Variants in DOCK1 observed in about 807,000 individuals in gnomAD.
DOCK1 encodes dedicator of cytokinesis 1, also known as dedicator of cytokinesis protein 1.
In DOCK1, 138 loss-of-function variants were observed where a neutral mutation model predicts 262.7. The observed-to-expected ratio is 0.53, with a 90% CI of 0.46 to 0.61. The LOEUF (loss-of-function observed/expected upper bound fraction) is 0.61, where lower values mean the gene tolerates loss of function less well. DOCK1 is among the 20% of genes least tolerant of loss of function. The pLI is 0.00. For synonymous variants in DOCK1, 866 were observed against 867.4 expected (o/e 1.00, Z 0.03); for missense variants, 1,908 against 2,370.7 (o/e 0.80, Z 4.05).
At chr10:126,963,661 T>TCCTTCCTTCCTCCCTCCCTTCCTC (rs2037449352) in intron 1 of DOCK1, among the ~76,000 whole-genome samples, 1 of 119,488 alleles carries the variant, frequency 8.4e-6, no homozygotes, top group South Asian at 3.0e-4. Context: ...CTTCCTTCCT[T>TCCTTCCTTCCTCCCTCCCTTCCTC]CCTTCCTTCC....
intron 32 of DOCK1, among the ~76,000 whole-genome samples, chr10:127,355,830 C>T (rs984010883): frequency 2.0e-5 from 3 of 152,214 alleles, no homozygotes; most frequent in African/African-American, 7.2e-5. Context: ...CAGAACCCAG[C>T]GAGCCACGCT....
chr10:127,290,254 C>T (rs1564967806), intron 29 of DOCK1, among the ~76,000 whole-genome samples: 1 of 151,836 alleles, frequency 6.6e-6, no homozygotes, highest in Non-Finnish European at 1.5e-5. Context: ...ATTGAAGGTA[C>T]GATGATGTTA....
intron 29 of DOCK1, among the ~76,000 whole-genome samples, chr10:127,335,551 A>AT (rs879722741): frequency 0.028 from 3,794 of 133,144 alleles, 105 homozygotes; most frequent in African/African-American, 0.079. Flanking sequence ...TAACTAATAG[A>AT]TTTTTTTTTT....
intron 28 of DOCK1, among the ~76,000 whole-genome samples, chr10:127,250,984 CAG>C (rs765560980): frequency 4.6e-5 from 7 of 151,544 alleles, no homozygotes; most frequent in East Asian, 3.9e-4. Context: ...TTTTTTGAGA[CAG>C]AGTTTCACTC....
chr10:127,090,540 A>AT (rs1358390235), intron 23 of DOCK1, among the ~76,000 whole-genome samples: 2 of 151,906 alleles, frequency 1.3e-5, no homozygotes, highest in African/African-American at 4.8e-5. Context: ...CCTTTTAACC[A>AT]TCTTAACACG....
intron 40 of DOCK1, among the ~76,000 whole-genome samples, chr10:127,406,170 T>C (rs2067502524): frequency 6.6e-6 from 1 of 152,142 alleles, no homozygotes; most frequent in Non-Finnish European, 1.5e-5. Context: ...TGGATGGAGA[T>C]CTACCTCTGG....
In DOCK1 at chr10:127,175,469, G is replaced by T; in HGVS notation, c.2847+47705G>T. ...ATTCGGGGGACAGGCACTGCATCGG[G>T]GGTGAGCAGGCCAGGGCAGTTTCCG... On this transcript the variant is annotated intron_variant, in intron 27 of 51. Transcript: ENST00000623213. This position sits in a 1 kb window ranked among gnomAD's most constrained non-coding sequence, Gnocchi z 6.3. 2.5e-6 allele frequency: 4 copies of T among 1,609,936 alleles called. No individual in the cohort carries two copies. Among genetic ancestry groups the T allele is most frequent in the Non-Finnish European group, 3.4e-6 (4 of 1,180,008 alleles).
intron 23 of DOCK1, among the ~76,000 whole-genome samples, chr10:127,088,678 T>C (rs2047339542): frequency 6.6e-6 from 1 of 152,202 alleles, no homozygotes; most frequent in South Asian, 2.1e-4. Flanking sequence ...GAGGATTCCA[T>C]TTAAATGCAT....
intron 12 of DOCK1, among the ~76,000 whole-genome samples, chr10:127,017,630 T>C (rs1341438463): frequency 6.6e-6 from 1 of 151,886 alleles, no homozygotes; most frequent in African/African-American, 2.4e-5. Flanking sequence ...CATGCGCGCA[T>C]ACCCATGCTA....
At chr10:127,035,022 C>G (rs1294076466) in intron 18 of DOCK1, among the ~76,000 whole-genome samples, 3 of 152,154 alleles carry the variant, frequency 2.0e-5, no homozygotes, top group African/African-American at 7.2e-5. Context: ...TGTTGCCAGG[C>G]AACAAGGAAA....
intron 27 of DOCK1, among the ~76,000 whole-genome samples, chr10:127,195,528 C>CG (rs972448356): frequency 6.6e-6 from 1 of 152,002 alleles, no homozygotes; most frequent in Non-Finnish European, 1.5e-5. Context: ...ACTCATCCCC[C>CG]CCCCGAAGTT....
At chr10:127,171,807 A>G (rs758943925) in intron 27 of DOCK1, among the ~76,000 whole-genome samples, 5 of 152,108 alleles carry the variant, frequency 3.3e-5, no homozygotes, top group Admixed American at 6.5e-5. Context: ...GGGTTCAAGC[A>G]ATTCTCCTGC....
At chr10:127,003,463 G>A (rs1040549164) in intron 10 of DOCK1, among the ~76,000 whole-genome samples, 4 of 152,174 alleles carry the variant, frequency 2.6e-5, no homozygotes, top group Non-Finnish European at 4.4e-5. Context: ...TTGGGTTGCC[G>A]GGTCCTTTGA....
At chr10:127,075,524 T>C (rs1470497954) in intron 23 of DOCK1, among the ~76,000 whole-genome samples, 2 of 152,160 alleles carry the variant, frequency 1.3e-5, no homozygotes, top group African/African-American at 4.8e-5. Context: ...GACTGGGTAA[T>C]TTATAAAGAA....
intron 29 of DOCK1, among the ~76,000 whole-genome samples, chr10:127,259,678 C>G (rs956484122): frequency 6.6e-6 from 1 of 152,164 alleles, no homozygotes; most frequent in African/African-American, 2.4e-5. Flanking sequence ...TGGGTGAGCA[C>G]TGCTCTGACA....
At chr10:127,289,441 A>G (rs187995324) in intron 29 of DOCK1, among the ~76,000 whole-genome samples, 1 of 152,138 alleles carries the variant, frequency 6.6e-6, no homozygotes, top group Admixed American at 6.5e-5. Flanking sequence ...ACAACTTTAC[A>G]TGGTTTTGCC....
At chr10:126,939,747 C>T (rs2034848709) in intron 1 of DOCK1, among the ~76,000 whole-genome samples, 1 of 152,190 alleles carries the variant, frequency 6.6e-6, no homozygotes, top group African/African-American at 2.4e-5. Context: ...GGCTGTAGTT[C>T]AGGGAAGTGG....
chr10:127,282,090 C>T (rs1013920743), intron 29 of DOCK1, among the ~76,000 whole-genome samples: 7 of 152,164 alleles, frequency 4.6e-5, no homozygotes, highest in Non-Finnish European at 7.3e-5. Context: ...CATTCAAAGC[C>T]ATCCTGGGCC....
intron 11 of DOCK1, among the ~76,000 whole-genome samples, chr10:127,010,888 A>G (rs1243321659): frequency 1.3e-5 from 2 of 152,236 alleles, no homozygotes; most frequent in East Asian, 1.9e-4. Flanking sequence ...TGTAACACTA[A>G]GTTGAAATTA....
Sources: gnomAD v4.1 joint callset for allele counts (sites outside exome capture counted in the v4.1 genomes callset) on GRCh38, gnomAD v4.1.1 for gene constraint, Gnocchi (gnomAD v3.1) non-coding constraint, MANE v1.5 for transcripts, NCBI Gene and HGNC (gene_info 2026-07-23, HGNC 2026-07-21) for gene names.